MAP4: variants seen among roughly 807,000 people sequenced by gnomAD.
The protein encoded by MAP4 is microtubule associated protein 4, also known as microtubule-associated protein 4.
A neutral mutation model predicts 170.2 loss-of-function variants in MAP4; 76 were observed. The ratio of observed to expected loss-of-function variants is 0.45; its 90% CI spans 0.37 to 0.54. MAP4 has a LOEUF of 0.54. MAP4 is among the 20% of genes least tolerant of loss of function. The pLI, the probability that MAP4 is intolerant of heterozygous loss-of-function variation, is 0.00. For synonymous variants in MAP4, 909 were observed against 994.5 expected (o/e 0.91, Z 1.62); for missense variants, 2,506 against 2,748.0 (o/e 0.91, Z 1.97).
chr3:47,856,308 G>A (rs2056256824), intron 18 of MAP4, among the ~76,000 whole-genome samples: 1 of 152,216 alleles, frequency 6.6e-6, no homozygotes, highest in Non-Finnish European at 1.5e-5. Context: ...AAGTGACTCA[G>A]TGTCATTAGA....
chr3:48,006,291 T>C (rs764842165), intron 1 of MAP4, among the ~76,000 whole-genome samples: 6 of 152,154 alleles, frequency 3.9e-5, no homozygotes, highest in Non-Finnish European at 8.8e-5. Flanking sequence ...TCTCCCATCC[T>C]TCCCCAAGGA....
chr3:47,906,897 G>A lies in MAP4; in HGVS notation c.5383+2141C>T, dbSNP rs188788090. 9.4e-4 allele frequency among the ~76,000 whole-genome samples: 141 copies of A among 150,102 alleles called. 2 individuals carry two copies. The highest frequency in any genetic ancestry group is 3.5e-4 in the Non-Finnish European group (24 of 67,724). On this transcript the variant is annotated intron_variant, in intron 9 of 20. Transcript: ENST00000683076. ...GTGGCCCAGGCTGGGGTGCAGTGGC[G>A]CGATCTCGGCTCACTGCAACCTCCA...
chr3:47,887,093 C>T (rs1434771744), intron 10 of MAP4, among the ~76,000 whole-genome samples: 1 of 152,256 alleles, frequency 6.6e-6, no homozygotes, highest in Non-Finnish European at 1.5e-5. Flanking sequence ...TGCCTGGGTT[C>T]CCACTTTGGC....
intron 10 of MAP4, among the ~76,000 whole-genome samples, chr3:47,897,950 G>GGAA (rs1491497294): frequency 3.7e-5 from 5 of 134,580 alleles, no homozygotes; most frequent in African/African-American, 1.2e-4. Context: ...TCGGGGGGGG[G>GGAA]AAAAAAAAAA....
chr3:47,903,308 C>T (rs1482931677), intron 9 of MAP4, among the ~76,000 whole-genome samples: 11 of 152,092 alleles, frequency 7.2e-5, no homozygotes, highest in African/African-American at 2.7e-4. Context: ...CCAAGGCGGG[C>T]GGATCACGAG....
chr3:47,871,985 G>A lies in MAP4; in HGVS notation c.5873C>T (p.Ala1958Val), dbSNP rs2093241286. 6.2e-7 allele frequency: 1 copy of A among 1,613,982 alleles called. No individual in the cohort carries two copies. The highest frequency in any genetic ancestry group is 8.5e-7 in the Non-Finnish European group (1 of 1,179,992). ...TGGGCCAGTTGAGGCAACAGCAGCAGCTGTTGTGGTTTTTGCAACAGTCTG... is the reference window on the plus strand; with the variant it reads ...TGGGCCAGTTGAGGCAACAGCAGCAACTGTTGTGGTTTTTGCAACAGTCTG... ...STQTVAKTTT[A>V]AAVASTGPSS... Residue 1958 changes from alanine to valine, a missense_variant, in exon 13 of 21, where the codon GCT becomes GTT. Physicochemically the swap from Ala to Val is moderately conservative, Grantham distance 64. This residue lies in a region of MAP4 where 487 missense variants were observed against 511.6 expected (regional missense o/e 0.95). Coordinates refer to ENST00000683076, the MANE Select transcript of MAP4 (RefSeq NM_001385682.1).
chr3:47,982,444 A>G (rs2100085953), intron 2 of MAP4, among the ~76,000 whole-genome samples: 1 of 152,232 alleles, frequency 6.6e-6, no homozygotes, highest in African/African-American at 2.4e-5. Context: ...GTATATTTTT[A>G]AACTAGATGA....
At chr3:48,024,974 GC>G (rs1408530599) in intron 1 of MAP4, among the ~76,000 whole-genome samples, 3 of 146,576 alleles carry the variant, frequency 2.0e-5, no homozygotes, top group Non-Finnish European at 3.0e-5. Flanking sequence ...TTTTTTTGAA[GC>G]AGGGTCTCAC....
chr3:47,995,802 C>T (rs564283910), intron 2 of MAP4, among the ~76,000 whole-genome samples: 1 of 152,132 alleles, frequency 6.6e-6, no homozygotes, highest in South Asian at 2.1e-4. Flanking sequence ...AAAAACAAGC[C>T]CCTCCAGGAA....
At chr3:47,998,172 TACTC>T (rs2100097002) in intron 2 of MAP4, among the ~76,000 whole-genome samples, 1 of 152,158 alleles carries the variant, frequency 6.6e-6, no homozygotes. Flanking sequence ...GATACAAAAA[TACTC>T]AGCCAATTAT....
intron 19 of MAP4, among the ~76,000 whole-genome samples, chr3:47,854,158 C>T (rs1188848022): frequency 6.6e-6 from 1 of 152,202 alleles, no homozygotes; most frequent in Non-Finnish European, 1.5e-5. Context: ...ATAATGTGAA[C>T]AAGGAAAAGA....
At chr3:48,011,466 T>C (rs2100105186) in intron 1 of MAP4, among the ~76,000 whole-genome samples, 1 of 151,832 alleles carries the variant, frequency 6.6e-6, no homozygotes, top group Non-Finnish European at 1.5e-5. Flanking sequence ...GGCAGGAAAA[T>C]TGCTTGAACC....
chr3:47,989,102 T>C (rs946971956), intron 2 of MAP4, among the ~76,000 whole-genome samples: 3 of 152,184 alleles, frequency 2.0e-5, no homozygotes, highest in African/African-American at 7.2e-5. Context: ...TGAGCCACCA[T>C]GCCCAGCCAG....
intron 3 of MAP4, among the ~76,000 whole-genome samples, chr3:47,976,468 C>T (rs2100082251): frequency 6.6e-6 from 1 of 152,188 alleles, no homozygotes; most frequent in Admixed American, 6.5e-5. Context: ...AGTCAATCCC[C>T]TCCAGCCTTT....
chr3:48,019,874 C>T (rs2100109726), upstream of MAP4, among the ~76,000 whole-genome samples: 1 of 152,122 alleles, frequency 6.6e-6, no homozygotes, highest in Admixed American at 6.5e-5. Context: ...GAGGCCCTGT[C>T]TTGAAAATAA....
chr3:48,014,774 T>G (rs2100106968), intron 1 of MAP4, among the ~76,000 whole-genome samples: 1 of 152,226 alleles, frequency 6.6e-6, no homozygotes, highest in Non-Finnish European at 1.5e-5. Context: ...TCTACCGACA[T>G]TCATTTGCAG....
intron 1 of MAP4, among the ~76,000 whole-genome samples, chr3:48,081,291 AAAAATAAATAAAT>A (rs2100146553): frequency 6.6e-6 from 1 of 151,864 alleles, no homozygotes; most frequent in South Asian, 2.1e-4. Flanking sequence ...CCATCTCAAA[AAAAATAAATAAAT>A]AAAATAAATA....
chr3:47,945,598 G>T (rs1478254308), intron 3 of MAP4, among the ~76,000 whole-genome samples: 2 of 151,852 alleles, frequency 1.3e-5, no homozygotes, highest in Admixed American at 1.3e-4. Flanking sequence ...ATACTGGCTG[G>T]TATTCTTATG....
chr3:47,918,765 G>C lies in MAP4; in HGVS notation c.606C>G (p.Ser202=). ...CTGCAACAGCCTCTGGGGAAACAAA[G>C]GACTCTGAGTGTGGAGAGTTTAAGG... The part of the protein sequence containing the change: ...VEALNSPHSE[S]FVSPEAVAEP... Residue 202 remains serine (S), a synonymous_variant, in exon 6 of 21, where the codon TCC becomes TCG. Coordinates refer to ENST00000683076, the MANE Select transcript of MAP4 (RefSeq NM_001385682.1). 1 of 1,611,482 alleles carries C rather than the reference G, an allele frequency of 6.2e-7. No homozygotes were observed. Among genetic ancestry groups the C allele is most frequent in the East Asian group, 2.2e-5 (1 of 44,850 alleles).
Sources: allele counts gnomAD v4.1 joint callset (sites outside exome capture counted in the v4.1 genomes callset), GRCh38; gene constraint gnomAD v4.1.1; regional missense constraint gnomAD v4.1.1; transcripts MANE v1.5; gene names NCBI Gene and HGNC (gene_info 2026-07-23, HGNC 2026-07-21).